TMEM114: variants seen among roughly 807,000 people sequenced by gnomAD.
TMEM114 encodes transmembrane protein 114.
Under a neutral mutation model 6.2 loss-of-function variants are expected in TMEM114, and 6 were observed. The ratio of observed to expected loss-of-function variants is 0.97; its 90% CI spans 0.53 to 1.91. The LOEUF (loss-of-function observed/expected upper bound fraction) is 1.91, where lower values mean the gene tolerates loss of function less well. TMEM114 is among the 40% of genes most tolerant of loss of function. The pLI is 0.01. For synonymous variants in TMEM114, 104 were observed against 73.0 expected, an observed-to-expected ratio of 1.42 and a Z score of -2.16; for missense variants, 218 against 158.3, an observed-to-expected ratio of 1.38 and a Z score of -2.02.
intron 2 of TMEM114, among the ~76,000 whole-genome samples, chr16:8,577,130 G>C (rs1901966507): frequency 6.6e-6 from 1 of 152,230 alleles, no homozygotes; most frequent in African/African-American, 2.4e-5. Context: ...TTTGAAAAAT[G>C]GAACTGGACC....
intron 2 of TMEM114, among the ~76,000 whole-genome samples, chr16:8,561,928 G>GAGTAAGTGAA (rs1348743101): frequency 1.0e-4 from 2 of 19,510 alleles, no homozygotes; most frequent in African/African-American, 2.2e-4. Context: ...AAGTGAATGA[G>GAGTAAGTGAA]TGAGTGAGTA....
intron 2 of TMEM114, among the ~76,000 whole-genome samples, chr16:8,542,385 G>A (rs1309147316): frequency 6.6e-6 from 1 of 152,168 alleles, no homozygotes; most frequent in Non-Finnish European, 1.5e-5. Context: ...ACCCAGATAA[G>A]GAGATGTGAG....
In TMEM114 at chr16:8,569,653, G is replaced by A; in HGVS notation, c.*120C>T. The A allele has an allele frequency of 1.4e-6, 2 of 1,440,892 alleles. No homozygotes were observed. Among genetic ancestry groups the A allele is most frequent in the Non-Finnish European group, 1.8e-6 (2 of 1,101,236 alleles). 89.3% of individuals were successfully genotyped at this position (1,440,892 alleles called of 1,614,324 possible). A position where few individuals can be genotyped will look rare whatever the true frequency, so the allele number is the denominator to read the frequency against. ...TCCGCGGGGATTTGTGGGGGAAGGA[G>A]GGGGGTGCCTGGCCTCCCCGAGTGG... On this transcript the variant is annotated 3_prime_UTR_variant, in exon 4 of 4. Transcript: ENST00000620492.
chr16:8,546,203 T>C (rs1900660323), intron 2 of TMEM114, among the ~76,000 whole-genome samples: 2 of 152,250 alleles, frequency 1.3e-5, no homozygotes, highest in Non-Finnish European at 2.9e-5. Context: ...AGAACACTTT[T>C]ACATGCACCA....
chr16:8,553,236 G>A (rs974308683), intron 2 of TMEM114, among the ~76,000 whole-genome samples: 6 of 152,170 alleles, frequency 3.9e-5, no homozygotes, highest in Admixed American at 1.3e-4. Context: ...CAAGAATCAA[G>A]ACCTGTGATT....
At chr16:8,541,631 G>C (rs111890969) in intron 2 of TMEM114, among the ~76,000 whole-genome samples, 66 of 152,248 alleles carry the variant, frequency 4.3e-4, no homozygotes, top group African/African-American at 1.5e-3. Flanking sequence ...AATTGTGTCA[G>C]TTTTATTAAT....
At chr16:8,533,695 C>G (rs1203042513), downstream of TMEM114, among the ~76,000 whole-genome samples, 1 of 152,204 alleles carries the variant, frequency 6.6e-6, no homozygotes, top group African/African-American at 2.4e-5. Context: ...GACTATTCAA[C>G]TGAGTGTCCC....
chr16:8,531,620 T>C, the TMEM114 span, among the ~76,000 whole-genome samples: 1 of 152,198 alleles, frequency 6.6e-6, no homozygotes. Flanking sequence ...AGACCAAAGT[T>C]CCTGCTGAAA....
At chr16:8,527,957 G>C in the TMEM114 span, among the ~76,000 whole-genome samples, 4 of 151,800 alleles carry the variant, frequency 2.6e-5, no homozygotes, top group South Asian at 2.1e-4. Context: ...GCCCAGGCTG[G>C]AGTGCAGTGG....
At chr16:8,541,380 C>A (rs1900511922) in intron 2 of TMEM114, among the ~76,000 whole-genome samples, 1 of 152,064 alleles carries the variant, frequency 6.6e-6, no homozygotes, top group African/African-American at 2.4e-5. Flanking sequence ...AGACATAAAC[C>A]AGGACCTCCC....
chr16:8,589,201 C>G lies in TMEM114; in HGVS notation c.301+12G>C, dbSNP rs1902407184. 1 of 398,698 alleles carries G rather than the reference C, an allele frequency of 2.5e-6. No homozygotes were observed. The highest frequency in any genetic ancestry group is 4.4e-5 in the Admixed American group (1 of 22,726). The allele number at this position is 398,698 out of a possible 1,614,324, so 24.7% of individuals were successfully genotyped here. A position where few individuals can be genotyped will look rare whatever the true frequency, so the allele number is the denominator to read the frequency against. ...GGGGCGCTCCCTCCATCCTCACCCTCCCCGGACTCACTGAGAAGTTGCCGG... is the reference window on the plus strand; with the variant it reads ...GGGGCGCTCCCTCCATCCTCACCCTGCCCGGACTCACTGAGAAGTTGCCGG... On this transcript the variant is annotated intron_variant, in intron 2 of 3. Transcript: ENST00000620492.
At chr16:8,565,166 C>A (rs1049602839), downstream of TMEM114, among the ~76,000 whole-genome samples, 2 of 151,866 alleles carry the variant, frequency 1.3e-5, no homozygotes, top group East Asian at 1.9e-4. Flanking sequence ...TGGATGGATG[C>A]ATGGATGGAT....
chr16:8,574,005 G>C (rs1411837637), intron 2 of TMEM114, among the ~76,000 whole-genome samples: 2 of 152,182 alleles, frequency 1.3e-5, no homozygotes, highest in African/African-American at 4.8e-5. Context: ...ATGAATGAGT[G>C]AGTGAATGAG....
At chr16:8,533,872 G>A (rs373930824), downstream of TMEM114, among the ~76,000 whole-genome samples, 8 of 152,266 alleles carry the variant, frequency 5.3e-5, no homozygotes, top group South Asian at 4.1e-4. Flanking sequence ...GAGTCATCCC[G>A]GGAAAGTGAT....
At chr16:8,580,473 AG>A (rs1393281117) in intron 2 of TMEM114, among the ~76,000 whole-genome samples, 2 of 149,412 alleles carry the variant, frequency 1.3e-5, no homozygotes, top group Admixed American at 6.7e-5. Context: ...GGCGACAGAG[AG>A]TGACTCCATC....
At position 8,564,070 on chromosome 16, in the gene TMEM114, T is replaced by G. The variant is rs1031139057; in HGVS notation, n.212+25143A>C. Among the ~76,000 whole-genome samples the G allele has an allele frequency of 1.1e-4, 16 of 148,076 alleles. 1 individual carries two copies. The highest frequency in any genetic ancestry group is 4.2e-4 in the African/African-American group (16 of 38,322). On this transcript the variant is annotated intron_variant and non_coding_transcript_variant, in intron 2 of 2. Coordinates refer to the TMEM114 transcript ENST00000623677. ...GTGAGTGAATGAGTAAATGAGTGAG[T>G]GAGTGCATGAATGAGTGAGTGAGTG...
chr16:8,561,974 G>C (rs372472263), intron 2 of TMEM114, among the ~76,000 whole-genome samples: 2 of 151,338 alleles, frequency 1.3e-5, no homozygotes, highest in African/African-American at 4.9e-5. Context: ...GGGAATGAGT[G>C]AGTGAATGAG....
At chr16:8,551,855 G>T (rs568014639) in intron 2 of TMEM114, among the ~76,000 whole-genome samples, 1 of 152,118 alleles carries the variant, frequency 6.6e-6, no homozygotes, top group Non-Finnish European at 1.5e-5. Context: ...TCCTTCACTA[G>T]GTTATTGGAT....
At chr16:8,576,316 C>T (rs979138682) in intron 2 of TMEM114, among the ~76,000 whole-genome samples, 1 of 152,194 alleles carries the variant, frequency 6.6e-6, no homozygotes, top group Non-Finnish European at 1.5e-5. Flanking sequence ...ATCCTCAGAC[C>T]CTCCAAAGAC....
Sources: gnomAD v4.1 joint callset for allele counts (sites outside exome capture counted in the v4.1 genomes callset) on GRCh38, gnomAD v4.1.1 for gene constraint, MANE v1.5 for transcripts, NCBI Gene and HGNC (gene_info 2026-07-23, HGNC 2026-07-21) for gene names.